Variants in ERCC6L2 observed in about 807,000 individuals in gnomAD.
The protein encoded by ERCC6L2 is ERCC excision repair 6 like 2.
ERCC6L2 carries 77 observed loss-of-function variants against 132.0 expected under a neutral mutation model. That is an observed-to-expected ratio of 0.58 (90% CI 0.49 to 0.71). ERCC6L2 has a LOEUF of 0.71. Ranked by LOEUF, ERCC6L2 falls within the 30% of genes least tolerant of loss-of-function variation. The probability of loss-of-function intolerance (pLI) is 0.00; values close to 1 mark genes in which losing one functional copy is unlikely to be tolerated. For missense variants in ERCC6L2, 1,542 were observed against 1,837.6 expected (o/e 0.84, Z 2.94); for synonymous variants, 583 against 632.4 (o/e 0.92, Z 1.17).
At chr9:96,038,400 T>C (rs1381389360) in intron 19 of ERCC6L2, among the ~76,000 whole-genome samples, 2 of 152,176 alleles carry the variant, frequency 1.3e-5, no homozygotes, top group Non-Finnish European at 2.9e-5. Context: ...AGGAAGCACA[T>C]TGCCGCTGAG....
intron 2 of ERCC6L2, among the ~76,000 whole-genome samples, chr9:95,890,683 T>C (rs977501074): frequency 6.6e-6 from 1 of 152,212 alleles, no homozygotes; most frequent in Non-Finnish European, 1.5e-5. Flanking sequence ...GTTTTTGTTT[T>C]TTGAGACAGT....
At chr9:95,969,323 G>A (rs649819) in intron 14 of ERCC6L2, among the ~76,000 whole-genome samples, 40,075 of 152,104 alleles carry the variant, frequency 0.26, 5,875 homozygotes, top group East Asian at 0.4. Context: ...GACTATAGAA[G>A]TACAAGGACA....
intron 11 of ERCC6L2, among the ~76,000 whole-genome samples, chr9:95,939,708 C>G (rs922814996): frequency 1.2e-4 from 18 of 151,880 alleles, no homozygotes; most frequent in African/African-American, 4.1e-4. Context: ...TTGTTTGTTT[C>G]AAGCATGTTT....
chr9:96,001,489 G>A (rs1269454430), intron 17 of ERCC6L2, among the ~76,000 whole-genome samples: 1 of 152,212 alleles, frequency 6.6e-6, no homozygotes, highest in Non-Finnish European at 1.5e-5. Flanking sequence ...TAGCTACAGG[G>A]TGTCGATTGG....
chr9:95,987,994 A>G (rs1326409731), intron 17 of ERCC6L2, among the ~76,000 whole-genome samples: 1 of 152,188 alleles, frequency 6.6e-6, no homozygotes, highest in Non-Finnish European at 1.5e-5. Context: ...CTCTGAAGCC[A>G]TGGCCCAAGC....
chr9:95,923,221 T>A (rs760609123), intron 8 of ERCC6L2, 39 bp from the exon 9 acceptor site: 2 of 1,605,068 alleles, frequency 1.2e-6, no homozygotes, highest in East Asian at 4.5e-5. Flanking sequence ...TTGAATGTGT[T>A]AAGTGGAAAT....
At chr9:95,964,428 A>G (rs1421603954) in intron 13 of ERCC6L2, among the ~76,000 whole-genome samples, 1 of 152,040 alleles carries the variant, frequency 6.6e-6, no homozygotes, top group African/African-American at 2.4e-5. Flanking sequence ...TAATCCCCCA[A>G]ACCACCTGGG....
intron 17 of ERCC6L2, among the ~76,000 whole-genome samples, chr9:96,000,393 A>G (rs531839322): frequency 1.1e-4 from 17 of 152,308 alleles, no homozygotes; most frequent in African/African-American, 1.9e-4. Context: ...GAACCAGAAT[A>G]TAAGTTATAG....
At chr9:95,879,502 T>G (rs1827476639) in intron 1 of ERCC6L2, among the ~76,000 whole-genome samples, 1 of 152,204 alleles carries the variant, frequency 6.6e-6, no homozygotes, top group African/African-American at 2.4e-5. Flanking sequence ...CAAATAGTAC[T>G]GTTATGAAAA....
chr9:95,900,689 T>C (rs890384268), intron 3 of ERCC6L2, among the ~76,000 whole-genome samples: 4 of 152,188 alleles, frequency 2.6e-5, no homozygotes, highest in Non-Finnish European at 5.9e-5. Flanking sequence ...ATGTAGTGCA[T>C]TGTGTAGTCT....
At chr9:95,895,724 A>G (rs952180091) in intron 2 of ERCC6L2, among the ~76,000 whole-genome samples, 7 of 148,770 alleles carry the variant, frequency 4.7e-5, no homozygotes, top group Admixed American at 6.8e-5. Flanking sequence ...ATTTGTTGTC[A>G]TAGCTTTTTT....
intron 4 of ERCC6L2, among the ~76,000 whole-genome samples, chr9:95,913,600 T>C (rs1327997): frequency 0.26 from 40,124 of 152,148 alleles, 5,894 homozygotes; most frequent in East Asian, 0.4. Flanking sequence ...GTTGTGCTAT[T>C]ACCACAATCT....
At chr9:95,970,730 TTTCCTTAATTTTA>T in intron 15 of ERCC6L2, 74 bp downstream of exon 15, 1 of 1,082,512 alleles carries the variant, frequency 9.2e-7, no homozygotes, top group Non-Finnish European at 1.2e-6. Flanking sequence ...TCTTTTCCTT[TTTCCTTAATTTTA>T]TAACCTGTAA....
At chr9:95,962,179 GA>G (rs1269966457) in intron 13 of ERCC6L2, among the ~76,000 whole-genome samples, 3 of 152,146 alleles carry the variant, frequency 2.0e-5, no homozygotes, top group African/African-American at 7.2e-5. Context: ...TCTAGAGATA[GA>G]AAATAAAATA....
intron 1 of ERCC6L2, among the ~76,000 whole-genome samples, chr9:95,880,242 GTGGT>G (rs1202395119): frequency 6.6e-6 from 1 of 152,140 alleles, no homozygotes; most frequent in Admixed American, 6.5e-5. Context: ...TATACAAGCA[GTGGT>G]TAAAGTAAAG....
At chr9:95,963,036 A>T (rs1831984502) in intron 13 of ERCC6L2, among the ~76,000 whole-genome samples, 1 of 152,158 alleles carries the variant, frequency 6.6e-6, no homozygotes, top group Non-Finnish European at 1.5e-5. Flanking sequence ...TGATGCATTC[A>T]GATATTTTAT....
At chr9:95,997,511 G>T (rs1396319416) in intron 17 of ERCC6L2, among the ~76,000 whole-genome samples, 3 of 152,226 alleles carry the variant, frequency 2.0e-5, no homozygotes, top group Non-Finnish European at 4.4e-5. Context: ...TAGCAACAAA[G>T]AATTTAGAAT....
At chr9:95,988,186 GA>G (rs569121462) in intron 17 of ERCC6L2, among the ~76,000 whole-genome samples, 21 of 152,324 alleles carry the variant, frequency 1.4e-4, no homozygotes, top group Non-Finnish European at 2.6e-4. Flanking sequence ...TTCTATAAAT[GA>G]AAATGTGAAT....
intron 13 of ERCC6L2, among the ~76,000 whole-genome samples, chr9:95,958,771 T>C (rs1282304824): frequency 3.9e-5 from 6 of 152,070 alleles, no homozygotes; most frequent in Admixed American, 3.9e-4. Flanking sequence ...TGAACTCCCA[T>C]TCACAATTGC....
Sources: gnomAD v4.1 joint callset for allele counts (sites outside exome capture counted in the v4.1 genomes callset) on GRCh38, gnomAD v4.1.1 for gene constraint, MANE v1.5 for transcripts, NCBI Gene and HGNC (gene_info 2026-07-23, HGNC 2026-07-21) for gene names.